SRD5A1: variants seen among roughly 807,000 people sequenced by gnomAD.
The protein encoded by SRD5A1 is steroid 5 alpha-reductase 1.
A neutral mutation model predicts 28.2 loss-of-function variants in SRD5A1; 22 were observed. The observed-to-expected ratio is 0.78, with a 90% CI of 0.56 to 1.12. SRD5A1 has a LOEUF of 1.12. Among genes scored for constraint, SRD5A1 ranks in the 50% most tolerant of loss-of-function variants. The pLI is 0.00. For missense variants in SRD5A1, 300 were observed against 346.7 expected, an observed-to-expected ratio of 0.87 and a Z score of 1.07; for synonymous variants, 151 against 135.0, an observed-to-expected ratio of 1.12 and a Z score of -0.82.
At chr5:6,647,634 A>G (rs1195161051) in intron 1 of SRD5A1, among the ~76,000 whole-genome samples, 2 of 151,980 alleles carry the variant, frequency 1.3e-5, no homozygotes, top group African/African-American at 2.4e-5. Flanking sequence ...ATATTCCTCT[A>G]TCCCTTTATT....
chr5:6,649,350 C>A (rs1368341950), intron 1 of SRD5A1, among the ~76,000 whole-genome samples: 1 of 152,196 alleles, frequency 6.6e-6, no homozygotes, highest in Non-Finnish European at 1.5e-5. Flanking sequence ...TGCTCTGTCC[C>A]AGGGAGCTGC....
At chr5:6,650,729 T>G (rs1204941179) in intron 1 of SRD5A1, among the ~76,000 whole-genome samples, 1 of 151,210 alleles carries the variant, frequency 6.6e-6, no homozygotes, top group Non-Finnish European at 1.5e-5. Flanking sequence ...GCCATGCTGG[T>G]GTGCTGCACC....
intron 1 of SRD5A1, 148 bp downstream of exon 1, chr5:6,634,017 C>T (rs554069506): frequency 1.2e-6 from 1 of 814,206 alleles, no homozygotes; most frequent in Non-Finnish European, 1.9e-6. Context: ...CCCCCATCTG[C>T]ACGGGTGCCC....
rs1278322331 is a variant in SRD5A1, at chr5:6,673,860, G to A, written c.*5592G>A. 1 of 152,118 alleles carries A rather than the reference G, an allele frequency of 6.6e-6. No individual in the cohort carries two copies. The highest frequency in any genetic ancestry group is 2.4e-5 in the African/African-American group (1 of 41,424). The allele number at this position is 152,118 out of a possible 1,614,324, so 9.4% of individuals were successfully genotyped here. A position where few individuals can be genotyped will look rare whatever the true frequency, so the allele number is the denominator to read the frequency against. ...ATTGGTAAGTGAAAAAAGCCAGTTT[G>A]CAAAGGCTAGATACTATATGATCCC... On this transcript the variant is annotated 3_prime_UTR_variant, in exon 5 of 5. Transcript: ENST00000274192.
Position 6,633,672 on chromosome 5 carries a change from T to C in SRD5A1, c.96T>C (p.Arg32=). ...GCTGCGCGGTCTTCGCGCGCAATCG[T>C]CAGACGAACTCAGTGTACGGCCGCC... ...AVGCAVFARN[R]QTNSVYGRHA... is the part of the protein sequence containing the mutation. The change falls in exon 1 of 5, where the codon CGT becomes CGC. Residue 32 remains arginine (R), a synonymous_variant. Transcript: ENST00000274192. 3.8e-6 allele frequency: 6 copies of C among 1,584,178 alleles called. No individual in the cohort carries two copies. Among genetic ancestry groups the C allele is most frequent in the Non-Finnish European group, 5.1e-6 (6 of 1,172,910 alleles).
At chr5:6,660,398 G>C (rs1286488065) in intron 3 of SRD5A1, among the ~76,000 whole-genome samples, 1 of 152,270 alleles carries the variant, frequency 6.6e-6, no homozygotes, top group Non-Finnish European at 1.5e-5. Context: ...CCCACAGGCT[G>C]TCTGCCCTTT....
Position 6,672,668 on chromosome 5 carries a change from G to A in SRD5A1, c.*4400G>A, listed in dbSNP as rs569518546. The A allele has an allele frequency of 1.3e-5, 2 of 152,304 alleles. No individual in the cohort carries two copies. The highest frequency in any genetic ancestry group is 3.9e-4 in the East Asian group (2 of 5,186). The allele number at this position is 152,304 out of a possible 1,614,324, so 9.4% of individuals were successfully genotyped here. A position where few individuals can be genotyped will look rare whatever the true frequency, so the allele number is the denominator to read the frequency against. On this transcript the variant is annotated 3_prime_UTR_variant, in exon 5 of 5. Transcript: ENST00000274192. ...CCAACACAGCTGTAAACTTCTCAAG[G>A]TGAGGAGTGAGCCATCACTCTTTGC...
In SRD5A1 at chr5:6,670,040, C is replaced by T. The variant is rs1475212412; in HGVS notation, c.*1772C>T. The T allele has an allele frequency of 1.3e-5, 2 of 152,368 alleles. No homozygotes were observed. Among genetic ancestry groups the T allele is most frequent in the Admixed American group, 1.3e-4 (2 of 15,286 alleles). 9.4% of individuals were successfully genotyped at this position (152,368 alleles called of 1,614,324 possible). A position where few individuals can be genotyped will look rare whatever the true frequency, so the allele number is the denominator to read the frequency against. ...AAGTGAGACCAACTAAACATGGCGC[C>T]TGCAGCAGAAAGCAGTGTCCTCTGC... On this transcript the variant is annotated 3_prime_UTR_variant, in exon 5 of 5. Transcript: ENST00000274192.
chr5:6,649,055 T>C (rs1007437026), intron 1 of SRD5A1, among the ~76,000 whole-genome samples: 5 of 152,228 alleles, frequency 3.3e-5, no homozygotes, highest in Admixed American at 6.5e-5. Flanking sequence ...CAGTGGAGGC[T>C]GCAGAACAAC....
In SRD5A1 at chr5:6,664,980, A is replaced by G. The variant is rs564790293; in HGVS notation, c.713+2014A>G. 2.0e-5 allele frequency among the ~76,000 whole-genome samples: 3 copies of G among 152,376 alleles called. No individual in the cohort carries two copies. The East Asian group carries it at 5.8e-4, about 29-fold the overall frequency. On this transcript the variant is annotated intron_variant, in intron 4 of 4. Transcript: ENST00000274192. ...TGGCAGAAAACACTGTGGGCCAGGA[A>G]TGGGCCTTCTGTGCTGAGAACTGTG...
At chr5:6,646,424 G>A (rs1007645188) in intron 1 of SRD5A1, among the ~76,000 whole-genome samples, 2 of 152,168 alleles carry the variant, frequency 1.3e-5, no homozygotes, top group Non-Finnish European at 1.5e-5. Context: ...TTGGTTGGTA[G>A]GCTATTAATT....
At chr5:6,642,804 C>T (rs1197238241) in intron 1 of SRD5A1, among the ~76,000 whole-genome samples, 1 of 152,176 alleles carries the variant, frequency 6.6e-6, no homozygotes, top group Non-Finnish European at 1.5e-5. Flanking sequence ...TGTGATGAAA[C>T]TTTATTAAGC....
chr5:6,641,303 A>C (rs546239449), intron 1 of SRD5A1, among the ~76,000 whole-genome samples: 1 of 152,200 alleles, frequency 6.6e-6, no homozygotes, highest in African/African-American at 2.4e-5. Context: ...GCGAGTTCCA[A>C]ATTGGCCACA....
At chr5:6,650,661 C>CT (rs1269229636) in intron 1 of SRD5A1, among the ~76,000 whole-genome samples, 2 of 147,314 alleles carry the variant, frequency 1.4e-5, no homozygotes, top group East Asian at 3.9e-4. Flanking sequence ...TTTAATTATA[C>CT]TTTAAGTTTT....
Position 6,668,317 on chromosome 5 carries a change from T to C in SRD5A1, c.*49T>C, listed in dbSNP as rs1243099410. On this transcript the variant is annotated 3_prime_UTR_variant, in exon 5 of 5. Coordinates refer to ENST00000274192, the MANE Select transcript of SRD5A1 (RefSeq NM_001047.4). ...TCAACTTGAAGCTTTCCAATGGCGC[T>C]TCTCTATGGACTTTGTAAATAAGTT... 1.8e-6 allele frequency: 2 copies of C among 1,102,652 alleles called. No homozygotes were observed. The highest frequency in any genetic ancestry group is 1.4e-5 in the South Asian group (1 of 71,056). 68.3% of individuals were successfully genotyped at this position (1,102,652 alleles called of 1,614,324 possible). A position where few individuals can be genotyped will look rare whatever the true frequency, so the allele number is the denominator to read the frequency against.
Position 6,670,782 on chromosome 5 carries a change from G to T in SRD5A1, c.*2514G>T, listed in dbSNP as rs1056603116. 6.6e-6 allele frequency: 1 copy of T among 152,320 alleles called. No homozygotes were observed. The highest frequency in any genetic ancestry group is 1.9e-4 in the East Asian group (1 of 5,184). The allele number at this position is 152,320 out of a possible 1,614,324, so 9.4% of individuals were successfully genotyped here. A position where few individuals can be genotyped will look rare whatever the true frequency, so the allele number is the denominator to read the frequency against. Reference sequence around the variant, plus strand: ...ATAATCTTCTCTATCGGCCATTGCTGTAACCAAAGCTTAACCACCTTTCTT... The same window carrying T: ...ATAATCTTCTCTATCGGCCATTGCTTTAACCAAAGCTTAACCACCTTTCTT... On this transcript the variant is annotated 3_prime_UTR_variant, in exon 5 of 5. Transcript: ENST00000274192.
At chr5:6,652,044 C>T (rs774115427) in intron 2 of SRD5A1, 36 bp downstream of exon 2, 2 of 1,580,380 alleles carry the variant, frequency 1.3e-6, no homozygotes, top group South Asian at 1.1e-5. Context: ...GCCTTGTTCA[C>T]ATCATTGCTT....
At chr5:6,656,979 T>C (rs1190191284) in intron 3 of SRD5A1, among the ~76,000 whole-genome samples, 1 of 152,188 alleles carries the variant, frequency 6.6e-6, no homozygotes, top group African/African-American at 2.4e-5. Flanking sequence ...TGAAATGCTT[T>C]TTAAAAGGAG....
intron 4 of SRD5A1, among the ~76,000 whole-genome samples, chr5:6,663,675 C>T (rs190246929): frequency 1.3e-5 from 2 of 152,236 alleles, no homozygotes; most frequent in Non-Finnish European, 2.9e-5. Context: ...ACCTGGCCAA[C>T]ATGGTGAAAT....
Sources: allele counts gnomAD v4.1 joint callset (sites outside exome capture counted in the v4.1 genomes callset), GRCh38; gene constraint gnomAD v4.1.1; transcripts MANE v1.5; gene names NCBI Gene and HGNC (gene_info 2026-07-23, HGNC 2026-07-21).